BABAM2: variants seen among roughly 807,000 people sequenced by gnomAD.
BABAM2 encodes BRISC and BRCA1 A complex member 2.
A neutral mutation model predicts 54.7 loss-of-function variants in BABAM2; 31 were observed. The ratio of observed to expected loss-of-function variants is 0.57; its 90% CI spans 0.43 to 0.77. The LOEUF (loss-of-function observed/expected upper bound fraction) is 0.77, where lower values mean the gene tolerates loss of function less well. Among genes scored for constraint, BABAM2 ranks in the 30% least tolerant of loss-of-function variants. The pLI is 0.00. For missense variants in BABAM2, 364 were observed against 455.8 expected, an observed-to-expected ratio of 0.80 and a Z score of 1.83; for synonymous variants, 167 against 162.9, an observed-to-expected ratio of 1.03 and a Z score of -0.19.
rs79876182 is a variant in BABAM2, at chr2:28,238,763, T to A, written c.780+1462T>A. Among the ~76,000 whole-genome samples the A allele has an allele frequency of 8.5e-3, 1,296 of 152,274 alleles. 18 individuals carry two copies. Among genetic ancestry groups the A allele is most frequent in the African/African-American group, 0.03 (1,233 of 41,538 alleles). ...CAGAATTATAGAGAAACATGCAAAT[T>A]TGGTCTTCTAGAACGGAGAAGAAAA... is the stretch of plus-strand genomic sequence containing the variant. On this transcript the variant is annotated intron_variant, in intron 8 of 11. Transcript: ENST00000379624.
chr2:28,164,045 T>C (rs1466878421), intron 7 of BABAM2, among the ~76,000 whole-genome samples: 1 of 152,218 alleles, frequency 6.6e-6, no homozygotes, highest in Non-Finnish European at 1.5e-5. Context: ...AAAAGGCACA[T>C]CTGGCACAAG....
chr2:28,327,386 A>C lies in BABAM2; in HGVS notation c.1089-11064A>C, dbSNP rs1210254079. On this transcript the variant is annotated intron_variant, in intron 11 of 11. Coordinates refer to ENST00000379624, the MANE Select transcript of BABAM2 (RefSeq NM_199191.3). ...GCCCCAGAGGAACTGGCCAAGCTCC[A>C]GAGGGCCTCCTTGGAGGGCCTCAGA... 6.8e-6 allele frequency: 11 copies of C among 1,613,466 alleles called. No homozygotes were observed. In the Middle Eastern group the frequency reaches 6.6e-4, roughly 96 times the overall value.
At chr2:27,993,980 A>G (rs1672956674) in intron 4 of BABAM2, among the ~76,000 whole-genome samples, 1 of 152,200 alleles carries the variant, frequency 6.6e-6, no homozygotes, top group South Asian at 2.1e-4. Context: ...GAAAAACGCT[A>G]TCCCGATGGA....
At chr2:28,073,524 C>CT (rs1348045291) in intron 6 of BABAM2, among the ~76,000 whole-genome samples, 2 of 152,032 alleles carry the variant, frequency 1.3e-5, no homozygotes, top group Non-Finnish European at 2.9e-5. Flanking sequence ...AATCTGTTTA[C>CT]TTTTTTGTTT....
chr2:28,309,383 A>G (rs1178863763), intron 11 of BABAM2: 4 of 152,184 alleles, frequency 2.6e-5, no homozygotes, highest in Non-Finnish European at 5.9e-5. Context: ...CATCTGTGCC[A>G]TATAACAAAA....
intron 5 of BABAM2, among the ~76,000 whole-genome samples, chr2:28,040,769 T>C (rs922416981): frequency 2.4e-4 from 36 of 152,236 alleles, no homozygotes; most frequent in Non-Finnish European, 1.0e-4. Flanking sequence ...CATAGTATTG[T>C]TTCTTTTATT....
intron 6 of BABAM2, among the ~76,000 whole-genome samples, chr2:28,084,972 A>C (rs1322136541): frequency 6.6e-6 from 1 of 152,142 alleles, no homozygotes; most frequent in African/African-American, 2.4e-5. Context: ...TAACTTCTTT[A>C]TTTGGGTTTT....
In BABAM2 at chr2:27,998,331, A is replaced by C. The variant is rs116711957; in HGVS notation, c.300+10244A>C. On this transcript the variant is annotated intron_variant, in intron 4 of 11. Transcript: ENST00000379624. ...ATTAATAATAATTATTATTATTAGC[A>C]TTCGAAATACAAGTAAATACCAAGA... Among the ~76,000 whole-genome samples the C allele has an allele frequency of 5.3e-3, 800 of 151,944 alleles. 7 individuals are homozygous for C. Among genetic ancestry groups the C allele is most frequent in the African/African-American group, 0.018 (754 of 41,474 alleles).
At chr2:27,940,022 C>G (rs1195542265) in intron 3 of BABAM2, among the ~76,000 whole-genome samples, 2 of 152,158 alleles carry the variant, frequency 1.3e-5, no homozygotes, top group Non-Finnish European at 2.9e-5. Flanking sequence ...GTATAAGATT[C>G]TATTGAAAAA....
At chr2:28,276,030 G>T (rs999436487) in intron 10 of BABAM2, among the ~76,000 whole-genome samples, 1 of 146,862 alleles carries the variant, frequency 6.8e-6, no homozygotes, top group African/African-American at 2.5e-5. Flanking sequence ...AAGAAAGAAA[G>T]AAAAAAATGG....
intron 6 of BABAM2, among the ~76,000 whole-genome samples, chr2:28,104,769 G>A (rs1667362360): frequency 1.3e-5 from 2 of 152,278 alleles, no homozygotes; most frequent in South Asian, 4.1e-4. Context: ...ATTCACAATA[G>A]CAAAGACTTG....
chr2:28,165,051 C>A (rs1673499398), intron 7 of BABAM2, among the ~76,000 whole-genome samples: 1 of 152,134 alleles, frequency 6.6e-6, no homozygotes, highest in South Asian at 2.1e-4. Context: ...TTGTTTAGCT[C>A]CTACTGTGTC....
chr2:28,036,182 G>A (rs1257195508), intron 5 of BABAM2, among the ~76,000 whole-genome samples: 1 of 152,126 alleles, frequency 6.6e-6, no homozygotes, highest in Non-Finnish European at 1.5e-5. Flanking sequence ...AAATGGACAA[G>A]TGTTGTCCAA....
chr2:28,141,106 G>T (rs1471687518), intron 7 of BABAM2, among the ~76,000 whole-genome samples: 2 of 151,908 alleles, frequency 1.3e-5, no homozygotes, highest in African/African-American at 2.4e-5. Context: ...CCTTCCAAAG[G>T]CCCCACCTCC....
chr2:27,994,160 T>G (rs550979152), intron 4 of BABAM2, among the ~76,000 whole-genome samples: 9 of 152,166 alleles, frequency 5.9e-5, no homozygotes, highest in Non-Finnish European at 1.3e-4. Flanking sequence ...AGCAGAATTA[T>G]AGCACAGGGT....
At chr2:28,040,522 G>T (rs550053328) in intron 5 of BABAM2, among the ~76,000 whole-genome samples, 1 of 151,418 alleles carries the variant, frequency 6.6e-6, no homozygotes, top group Non-Finnish European at 1.5e-5. Context: ...GGATGGTCTC[G>T]ATCTCCTGAC....
intron 2 of BABAM2, among the ~76,000 whole-genome samples, chr2:27,927,931 C>T (rs13026003): frequency 0.17 from 26,329 of 151,472 alleles, 3,621 homozygotes; most frequent in East Asian, 0.62. Context: ...GCAGCCTCCA[C>T]CTCCCAGGTT....
chr2:27,923,351 G>A (rs1003313030), intron 2 of BABAM2, among the ~76,000 whole-genome samples: 3 of 152,182 alleles, frequency 2.0e-5, no homozygotes, highest in Non-Finnish European at 4.4e-5. Context: ...GTAAAACCGT[G>A]GCTCATGCCT....
chr2:28,165,744 A>G (rs868415400), intron 7 of BABAM2, among the ~76,000 whole-genome samples: 12 of 152,096 alleles, frequency 7.9e-5, no homozygotes, highest in South Asian at 6.2e-4. Context: ...CATGTTGGCC[A>G]GGATGGTCTT....
Sources: gnomAD v4.1 joint callset for allele counts (sites outside exome capture counted in the v4.1 genomes callset) on GRCh38, gnomAD v4.1.1 for gene constraint, MANE v1.5 for transcripts, NCBI Gene and HGNC (gene_info 2026-07-23, HGNC 2026-07-21) for gene names.